TENM3: variants seen among roughly 807,000 people sequenced by gnomAD.
TENM3 encodes teneurin transmembrane protein 3, also known as teneurin-3.
In TENM3, 63 loss-of-function variants were observed where a neutral mutation model predicts 255.1. The ratio of observed to expected loss-of-function variants is 0.25; its 90% CI spans 0.20 to 0.30. The LOEUF is 0.30. Ranked by LOEUF, TENM3 falls within the 10% of genes least tolerant of loss-of-function variation. The pLI, the probability that TENM3 is intolerant of heterozygous loss-of-function variation, is 1.00. For synonymous variants in TENM3, 1,306 were observed against 1,322.3 expected, an observed-to-expected ratio of 0.99 and a Z score of 0.27; for missense variants, 2,929 against 3,461.1, an observed-to-expected ratio of 0.85 and a Z score of 3.86.
At chr4:182,556,214 A>G (rs1742571180) in intron 3 of TENM3, among the ~76,000 whole-genome samples, 1 of 152,198 alleles carries the variant, frequency 6.6e-6, no homozygotes, top group African/African-American at 2.4e-5. Flanking sequence ...GCAATTTTAC[A>G]GCACAAAAAC....
the TENM3 span, among the ~76,000 whole-genome samples, chr4:181,621,626 A>C: frequency 3.3e-5 from 5 of 152,310 alleles, no homozygotes; most frequent in South Asian, 2.1e-4. Context: ...CACACACACA[A>C]AAAAATCATT....
chr4:182,222,739 TTTATTCTTTTTTA>T (rs1366442716), intron 1 of TENM3, among the ~76,000 whole-genome samples: 1 of 152,208 alleles, frequency 6.6e-6, no homozygotes, highest in Non-Finnish European at 1.5e-5. Context: ...CTTTTAGTGA[TTTATTCTTTTTTA>T]TTAGTACATT....
At chr4:182,563,433 C>T (rs554012130) in intron 3 of TENM3, among the ~76,000 whole-genome samples, 2 of 149,060 alleles carry the variant, frequency 1.3e-5, no homozygotes, top group African/African-American at 4.9e-5. Context: ...GACTCCATCT[C>T]AAAAAAAAAG....
the TENM3 span, among the ~76,000 whole-genome samples, chr4:181,988,734 T>A: frequency 6.6e-6 from 1 of 152,046 alleles, no homozygotes; most frequent in Non-Finnish European, 1.5e-5. Flanking sequence ...CACCTGTCTT[T>A]GCTCTTATTT....
At chr4:181,646,326 A>G in the TENM3 span, among the ~76,000 whole-genome samples, 3 of 152,320 alleles carry the variant, frequency 2.0e-5, no homozygotes, top group East Asian at 5.8e-4. Flanking sequence ...AGAACAAAAG[A>G]CAGGATTATT....
the TENM3 span, among the ~76,000 whole-genome samples, chr4:181,593,401 G>T: frequency 6.6e-6 from 1 of 152,078 alleles, no homozygotes; most frequent in Non-Finnish European, 1.5e-5. Flanking sequence ...TTTTTTAGAG[G>T]TCTCTAGCCT....
intron 1 of TENM3, among the ~76,000 whole-genome samples, chr4:182,193,884 G>A (rs549001815): frequency 6.6e-6 from 1 of 152,138 alleles, no homozygotes; most frequent in African/African-American, 2.4e-5. Flanking sequence ...ACTCACCCAG[G>A]TATCATAAAT....
At chr4:181,573,970 C>T in the TENM3 span, among the ~76,000 whole-genome samples, 1 of 152,058 alleles carries the variant, frequency 6.6e-6, no homozygotes, top group Non-Finnish European at 1.5e-5. Context: ...AGATATCATA[C>T]AGGCATAGTT....
At chr4:182,461,553 C>T (rs573517040) in intron 3 of TENM3, among the ~76,000 whole-genome samples, 120 of 152,140 alleles carry the variant, frequency 7.9e-4, no homozygotes, top group Admixed American at 4.0e-3. Flanking sequence ...CACAGTAGTA[C>T]GGTGTGTTTG....
intron 1 of TENM3, among the ~76,000 whole-genome samples, chr4:182,193,064 A>G (rs976336240): frequency 6.6e-6 from 1 of 152,158 alleles, no homozygotes; most frequent in Non-Finnish European, 1.5e-5. Flanking sequence ...TATTTCTTTC[A>G]TCATGAAGTT....
chr4:182,001,347 G>C, the TENM3 span, among the ~76,000 whole-genome samples: 1 of 152,054 alleles, frequency 6.6e-6, no homozygotes, highest in Non-Finnish European at 1.5e-5. Context: ...GGCATAAAAA[G>C]AAGTGGTCTC....
the TENM3 span, among the ~76,000 whole-genome samples, chr4:182,111,405 A>G: frequency 6.6e-6 from 1 of 152,020 alleles, no homozygotes; most frequent in African/African-American, 2.4e-5. Flanking sequence ...AAATCATAAG[A>G]ACTCCTCTGG....
At position 182,708,897 on chromosome 4, in the gene TENM3, T is replaced by C. The variant is rs1758520205; in HGVS notation, c.2222-5190T>C. Among the ~76,000 whole-genome samples the C allele has an allele frequency of 2.0e-5, 3 of 152,298 alleles. 1 individual carries two copies. The South Asian group carries it at 6.2e-4, about 32-fold the overall frequency. ...CATGCCGTGTGTCCCACGTGGGTGTTCTTCCAAGGTAAATAATTGAAACTC... is the reference window on the plus strand; with the variant it reads ...CATGCCGTGTGTCCCACGTGGGTGTCCTTCCAAGGTAAATAATTGAAACTC... On this transcript the variant is annotated intron_variant, in intron 12 of 27. Coordinates refer to ENST00000511685, the MANE Select transcript of TENM3 (RefSeq NM_001080477.4).
chr4:182,291,495 G>A (rs577572943), intron 1 of TENM3, among the ~76,000 whole-genome samples: 14 of 149,904 alleles, frequency 9.3e-5, no homozygotes, highest in South Asian at 8.6e-4. Flanking sequence ...AGGATGCCCC[G>A]CTGTGTGTCC....
chr4:181,622,912 G>A, the TENM3 span, among the ~76,000 whole-genome samples: 1 of 151,962 alleles, frequency 6.6e-6, no homozygotes, highest in Non-Finnish European at 1.5e-5. Flanking sequence ...CTTAACTGAG[G>A]TACACACATT....
intron 20 of TENM3, among the ~76,000 whole-genome samples, chr4:182,752,238 A>G (rs1349675556): frequency 2.6e-5 from 4 of 152,130 alleles, no homozygotes; most frequent in African/African-American, 9.7e-5. Context: ...GTTTTACAGT[A>G]AATACTAGGT....
the TENM3 span, among the ~76,000 whole-genome samples, chr4:181,851,809 A>T: frequency 6.6e-6 from 1 of 152,162 alleles, no homozygotes; most frequent in Non-Finnish European, 1.5e-5. Flanking sequence ...CATCCTCTGA[A>T]TTCTAAACCT....
intron 3 of TENM3, among the ~76,000 whole-genome samples, chr4:182,516,805 C>T (rs767283733): frequency 7.2e-5 from 11 of 151,766 alleles, no homozygotes; most frequent in East Asian, 1.9e-4. Context: ...ACAGGAGAAT[C>T]GCTTGAACCC....
chr4:182,141,525 G>A (rs762800083), upstream of TENM3: 2 of 152,206 alleles, frequency 1.3e-5, no homozygotes, highest in Non-Finnish European at 1.5e-5. Flanking sequence ...TTTAACACAC[G>A]TAAGCTGCCT....
Sources: gnomAD v4.1 joint callset for allele counts (sites outside exome capture counted in the v4.1 genomes callset) on GRCh38, gnomAD v4.1.1 for gene constraint, MANE v1.5 for transcripts, NCBI Gene and HGNC (gene_info 2026-07-23, HGNC 2026-07-21) for gene names.